UTRN: variants seen among roughly 807,000 people sequenced by gnomAD.
The protein encoded by UTRN is utrophin.
Under a neutral mutation model 463.9 loss-of-function variants are expected in UTRN, and 283 were observed. The ratio of observed to expected loss-of-function variants is 0.61; its 90% CI spans 0.55 to 0.67. UTRN has a LOEUF of 0.67. UTRN is among the 30% of genes least tolerant of loss of function. The pLI, the probability that UTRN is intolerant of heterozygous loss-of-function variation, is 0.00. For synonymous variants in UTRN, 1,442 were observed against 1,431.5 expected, an observed-to-expected ratio of 1.01 and a Z score of -0.17; for missense variants, 3,922 against 4,084.3, an observed-to-expected ratio of 0.96 and a Z score of 1.08.
intron 74 of UTRN, among the ~76,000 whole-genome samples, chr6:144,849,503 G>T (rs1046276007): frequency 6.6e-6 from 1 of 152,136 alleles, no homozygotes; most frequent in Non-Finnish European, 1.5e-5. Flanking sequence ...AGAGCTAAAT[G>T]GTTCCCAGTT....
At chr6:144,618,270 C>T (rs1007348039) in intron 51 of UTRN, among the ~76,000 whole-genome samples, 20 of 152,086 alleles carry the variant, frequency 1.3e-4, no homozygotes, top group African/African-American at 4.1e-4. Context: ...TACAATGCCA[C>T]ACTAAATTTG....
At position 144,438,821 on chromosome 6, in the gene UTRN, C is replaced by A. The variant is rs753668845; in HGVS notation, c.1318C>A (p.Arg440Ser). 6.2e-7 allele frequency: 1 copy of A among 1,614,120 alleles called. No individual in the cohort carries two copies. The highest frequency in any genetic ancestry group is 1.7e-5 in the Admixed American group (1 of 60,012). Residue 440 changes from arginine (R) to serine (S), a missense_variant, in exon 12 of 75, where the codon CGC becomes AGC. By Grantham distance (110) the Arg-to-Ser change is moderately radical. Coordinates refer to ENST00000367545, the MANE Select transcript of UTRN (RefSeq NM_007124.3). ...CGCCTGGTTAACACTCACAGAGGAG[C>A]GCATTCAGAAGATGGAAACTTGCCC... The part of the protein sequence containing the change: ...LSAWLTLTEE[R>S]IQKMETCPLD...
chr6:144,828,952 C>G, intron 69 of UTRN, 97 bp downstream of exon 69: 1 of 1,390,120 alleles, frequency 7.2e-7, no homozygotes, highest in Middle Eastern at 1.8e-4. Context: ...GAATCTTGAT[C>G]CCAATCAAAA....
chr6:144,470,158 C>G (rs533486085), intron 23 of UTRN, among the ~76,000 whole-genome samples: 42 of 152,378 alleles, frequency 2.8e-4, no homozygotes, highest in East Asian at 2.1e-3. Flanking sequence ...CACTTCCCCC[C>G]CTTCTATTCC....
At chr6:144,565,942 A>T (rs985878830) in intron 50 of UTRN, among the ~76,000 whole-genome samples, 1 of 152,136 alleles carries the variant, frequency 6.6e-6, no homozygotes, top group Non-Finnish European at 1.5e-5. Flanking sequence ...AAAATGGATT[A>T]TAGTAAAGCA....
chr6:144,692,127 G>A (rs1783479336), intron 52 of UTRN, among the ~76,000 whole-genome samples: 1 of 152,142 alleles, frequency 6.6e-6, no homozygotes, highest in Non-Finnish European at 1.5e-5. Flanking sequence ...CCACTTATAA[G>A]TGAAGACATG....
chr6:144,787,848 A>G (rs1187696046), intron 61 of UTRN, among the ~76,000 whole-genome samples: 3 of 152,184 alleles, frequency 2.0e-5, no homozygotes, highest in Non-Finnish European at 4.4e-5. Flanking sequence ...TATTAAAAAC[A>G]TATAAGAAAA....
rs747527781 is a variant in UTRN, at chr6:144,437,728, G to T, written c.1223G>T (p.Ser408Ile). The T allele has an allele frequency of 6.2e-7, 1 of 1,613,300 alleles. No homozygotes were observed. Among genetic ancestry groups the T allele is most frequent in the Non-Finnish European group, 8.5e-7 (1 of 1,179,744 alleles). The change falls in exon 11 of 75, where the codon AGT becomes ATT. Residue 408 changes from serine to isoleucine, a missense_variant. Physicochemically the swap from Ser to Ile is moderately radical, Grantham distance 142. This residue lies in a region of UTRN where 2,349 missense variants were observed against 2,303.8 expected (regional missense o/e 1.02). Coordinates refer to ENST00000367545, the MANE Select transcript of UTRN (RefSeq NM_007124.3). The stretch of plus-strand genomic sequence containing the variant: ...AGATGGGAGGCTCTTAGGGTGGAGA[G>T]TATGGACAGACAGTCCCGGTGAGTG... ...NARWEALRVE[S>I]MDRQSRLHDV...
At chr6:144,715,156 T>C (rs145893138) in intron 53 of UTRN, among the ~76,000 whole-genome samples, 1 of 152,330 alleles carries the variant, frequency 6.6e-6, no homozygotes, top group East Asian at 1.9e-4. Flanking sequence ...CCAAACTGGC[T>C]TCCTGAATTG....
intron 53 of UTRN, among the ~76,000 whole-genome samples, chr6:144,713,801 T>A (rs1213626712): frequency 6.7e-6 from 1 of 150,198 alleles, no homozygotes; most frequent in Non-Finnish European, 1.5e-5. Context: ...ATGCCTGTAA[T>A]CCCAGCTACT....
intron 52 of UTRN, among the ~76,000 whole-genome samples, chr6:144,697,844 T>G (rs372806232): frequency 1.3e-5 from 2 of 152,358 alleles, no homozygotes; most frequent in South Asian, 2.1e-4. Flanking sequence ...GAAAATATGT[T>G]TGTGTGCATT....
chr6:144,654,639 T>C (rs1452632716), intron 51 of UTRN, among the ~76,000 whole-genome samples: 1 of 152,200 alleles, frequency 6.6e-6, no homozygotes. Flanking sequence ...GCCCTGTGGA[T>C]TTAGTTGCAT....
At chr6:144,561,254 T>TACACACACACAC (rs1338147363) in intron 50 of UTRN, among the ~76,000 whole-genome samples, 1 of 54,764 alleles carries the variant, frequency 1.8e-5, no homozygotes, top group Non-Finnish European at 4.6e-5. Context: ...TATATATATA[T>TACACACACACAC]ATATATACAT....
chr6:144,776,009 A>G (rs1405224235), intron 60 of UTRN, among the ~76,000 whole-genome samples: 1 of 152,222 alleles, frequency 6.6e-6, no homozygotes, highest in Non-Finnish European at 1.5e-5. Flanking sequence ...GATTTCAAGT[A>G]TATGAGGTGC....
At chr6:144,357,995 G>A (rs74969886) in intron 2 of UTRN, among the ~76,000 whole-genome samples, 9,643 of 152,264 alleles carry the variant, frequency 0.063, 1,029 homozygotes, top group African/African-American at 0.22. Context: ...AAGCACTTGA[G>A]CTTTGGAGCC....
chr6:144,846,777 A>T lies in UTRN; in HGVS notation c.10271-28A>T, dbSNP rs1782052688. The T allele has an allele frequency of 1.9e-6, 3 of 1,613,844 alleles. No individual in the cohort carries two copies. The African/African-American group carries it at 4.0e-5, about 22-fold the overall frequency. On this transcript the variant is annotated intron_variant, in intron 73 of 74. Coordinates refer to ENST00000367545, the MANE Select transcript of UTRN (RefSeq NM_007124.3). ...CCAACAAAGTAACAGGACTGCCATT[A>T]AGTGATTTCTTTTGTTTTCTCTTTC... is the stretch of plus-strand genomic sequence containing the variant.
intron 51 of UTRN, among the ~76,000 whole-genome samples, chr6:144,597,639 A>G (rs1803794203): frequency 6.6e-6 from 1 of 152,186 alleles, no homozygotes; most frequent in South Asian, 2.1e-4. Flanking sequence ...TTATTCATCA[A>G]GGTTAGTAGA....
At chr6:144,429,441 G>T in intron 8 of UTRN, 140 bp from the exon 9 acceptor site, 2 of 634,546 alleles carry the variant, frequency 3.2e-6, no homozygotes, top group South Asian at 4.0e-5. Flanking sequence ...TTATGAAGTG[G>T]CAATTTACTG....
In UTRN at chr6:144,429,760, T is replaced by C; in HGVS notation, c.855+19T>C. On this transcript the variant is annotated intron_variant, in intron 9 of 74. Transcript: ENST00000367545. ...TATACAGGTACAGGTAACATTTTAT[T>C]AAGATGTTTGGCTTGCCGTATTTGT... 2 of 1,599,142 alleles carry C rather than the reference T, an allele frequency of 1.3e-6. No individual in the cohort carries two copies. Among genetic ancestry groups the C allele is most frequent in the South Asian group, 2.3e-5 (2 of 87,430 alleles).
Sources: allele counts gnomAD v4.1 joint callset (sites outside exome capture counted in the v4.1 genomes callset), GRCh38; gene constraint gnomAD v4.1.1; regional missense constraint gnomAD v4.1.1; transcripts MANE v1.5; gene names NCBI Gene and HGNC (gene_info 2026-07-23, HGNC 2026-07-21).